UVRAG: variants seen among roughly 807,000 people sequenced by gnomAD.
The protein encoded by UVRAG is UV radiation resistance-associated gene protein.
UVRAG carries 19 observed loss-of-function variants against 78.0 expected under a neutral mutation model. The observed-to-expected ratio is 0.24, with a 90% CI of 0.17 to 0.36. The LOEUF (loss-of-function observed/expected upper bound fraction) is 0.36. Among genes scored for constraint, UVRAG ranks in the 10% least tolerant of loss-of-function variants. The pLI, the probability that UVRAG is intolerant of heterozygous loss-of-function variation, is 1.00. For missense variants in UVRAG, 740 were observed against 853.8 expected, an observed-to-expected ratio of 0.87 and a Z score of 1.66; for synonymous variants, 323 against 324.6, an observed-to-expected ratio of 1.00 and a Z score of 0.05.
rs115209535 is a variant in UVRAG, at chr11:76,029,865, G to A, written c.1226+12885G>A. On this transcript the variant is annotated intron_variant, in intron 12 of 14. Transcript: ENST00000356136. The stretch of plus-strand genomic sequence containing the variant: ...GTCAATTGATGCCAAAAACTTCATT[G>A]TCTTATTTTAAGAAATTGTCACAGC... Among the ~76,000 whole-genome samples, 1,092 of 152,252 alleles carry A rather than the reference G, an allele frequency of 7.2e-3. 13 individuals are homozygous for A. The highest frequency in any genetic ancestry group is 0.025 in the African/African-American group (1,037 of 41,564).
At chr11:75,815,560 C>T (rs761032333) in intron 1 of UVRAG, 36 bp downstream of exon 1, 3 of 1,184,860 alleles carry the variant, frequency 2.5e-6, no homozygotes, top group Non-Finnish European at 3.2e-6. Context: ...CGGGAGGGAC[C>T]CGGGCAGGCC....
intron 6 of UVRAG, among the ~76,000 whole-genome samples, chr11:75,930,314 C>CT (rs1182163247): frequency 6.6e-6 from 1 of 152,092 alleles, no homozygotes; most frequent in East Asian, 1.9e-4. Flanking sequence ...GTCTTTTATA[C>CT]TTTTTTTAAG....
rs150618974 is a variant in UVRAG at position 76,070,264 on chromosome 11, A to G, written c.1305+4476A>G. On this transcript the variant is annotated intron_variant, in intron 13 of 14. Transcript: ENST00000356136. Reference sequence around the variant, plus strand: ...TCTTAAATGTAAAAGTTGAATAACTAGAAACAGAGAGTAGGATAGTGATTC... The same window carrying G: ...TCTTAAATGTAAAAGTTGAATAACTGGAAACAGAGAGTAGGATAGTGATTC... Among the ~76,000 whole-genome samples the G allele has an allele frequency of 3.7e-3, 564 of 152,320 alleles. 1 individual carries two copies. The highest frequency in any genetic ancestry group is 0.01 in the Middle Eastern group (3 of 294).
chr11:75,949,461 C>G (rs1394944024), intron 6 of UVRAG, among the ~76,000 whole-genome samples: 2 of 151,950 alleles, frequency 1.3e-5, no homozygotes, highest in Admixed American at 1.3e-4. Context: ...TATCTCTGGC[C>G]AAGATCTGTC....
chr11:76,139,289 A>G (rs1325822200), intron 14 of UVRAG, among the ~76,000 whole-genome samples: 1 of 152,202 alleles, frequency 6.6e-6, no homozygotes, highest in Non-Finnish European at 1.5e-5. Flanking sequence ...ACACAAGTGG[A>G]AGAAACCCCA....
intron 13 of UVRAG, among the ~76,000 whole-genome samples, chr11:76,102,211 G>A (rs1163160977): frequency 6.6e-6 from 1 of 152,170 alleles, no homozygotes; most frequent in Non-Finnish European, 1.5e-5. Context: ...TTCAATTCAT[G>A]AGCATGGAAT....
intron 13 of UVRAG, among the ~76,000 whole-genome samples, chr11:76,091,383 A>G (rs1008410201): frequency 3.3e-5 from 5 of 152,214 alleles, no homozygotes; most frequent in African/African-American, 1.2e-4. Flanking sequence ...TCGGCACTCA[A>G]TGGATCTTTT....
intron 1 of UVRAG, among the ~76,000 whole-genome samples, chr11:75,829,314 A>G (rs1246614686): frequency 6.6e-6 from 1 of 152,218 alleles, no homozygotes; most frequent in African/African-American, 2.4e-5. Flanking sequence ...CTACTAAAAA[A>G]TTAGAAAGCT....
At chr11:75,832,431 A>G (rs560256559) in intron 1 of UVRAG, among the ~76,000 whole-genome samples, 4 of 152,314 alleles carry the variant, frequency 2.6e-5, no homozygotes, top group African/African-American at 9.6e-5. Flanking sequence ...AAAACATTTT[A>G]TGTATTATTA....
intron 9 of UVRAG, among the ~76,000 whole-genome samples, chr11:76,005,849 A>G (rs1020361688): frequency 3.3e-5 from 5 of 152,248 alleles, no homozygotes; most frequent in African/African-American, 1.2e-4. Flanking sequence ...AGGACATTAC[A>G]AAAGATACCG....
intron 1 of UVRAG, among the ~76,000 whole-genome samples, chr11:75,831,552 A>T (rs1296331924): frequency 6.6e-6 from 1 of 152,118 alleles, no homozygotes; most frequent in African/African-American, 2.4e-5. Flanking sequence ...TCACTAGGCC[A>T]TTTTAGTGTA....
At chr11:76,035,866 A>G (rs996487444) in intron 12 of UVRAG, among the ~76,000 whole-genome samples, 2 of 152,212 alleles carry the variant, frequency 1.3e-5, no homozygotes, top group Admixed American at 1.3e-4. Context: ...GCCTTGTTTC[A>G]TGCCTTTTAT....
chr11:76,114,509 T>C (rs957756117), intron 13 of UVRAG, among the ~76,000 whole-genome samples: 1 of 152,188 alleles, frequency 6.6e-6, no homozygotes, highest in East Asian at 1.9e-4. Context: ...CTTTCTGGGG[T>C]TCAGTTTTCC....
chr11:76,059,873 G>A (rs1951050284), intron 12 of UVRAG, among the ~76,000 whole-genome samples: 1 of 152,224 alleles, frequency 6.6e-6, no homozygotes, highest in African/African-American at 2.4e-5. Flanking sequence ...TTGAGTCCAT[G>A]TTGTCACATT....
At chr11:75,887,519 CT>C (rs1378856246) in intron 4 of UVRAG, among the ~76,000 whole-genome samples, 2 of 148,924 alleles carry the variant, frequency 1.3e-5, no homozygotes, top group African/African-American at 5.0e-5. Context: ...ACAATCTCGG[CT>C]CTCTGCAAGC....
At chr11:76,085,856 T>G (rs991051401) in intron 13 of UVRAG, among the ~76,000 whole-genome samples, 3 of 152,158 alleles carry the variant, frequency 2.0e-5, no homozygotes, top group African/African-American at 7.2e-5. Context: ...TCCTTTTCCA[T>G]GTGTGTTTTT....
intron 8 of UVRAG, among the ~76,000 whole-genome samples, chr11:75,989,298 G>A (rs540507055): frequency 6.6e-6 from 1 of 152,078 alleles, no homozygotes; most frequent in South Asian, 2.1e-4. Flanking sequence ...CAAGTGATCC[G>A]CCTACCTCCC....
intron 7 of UVRAG, among the ~76,000 whole-genome samples, chr11:75,976,846 GT>G (rs1040878893): frequency 6.6e-6 from 1 of 151,988 alleles, no homozygotes; most frequent in Non-Finnish European, 1.5e-5. Flanking sequence ...TTTTTTGAAG[GT>G]TTTTTTGTGT....
chr11:75,838,266 C>T (rs1352867667), intron 1 of UVRAG, among the ~76,000 whole-genome samples: 1 of 152,152 alleles, frequency 6.6e-6, no homozygotes, highest in African/African-American at 2.4e-5. Flanking sequence ...TAATAAGCAA[C>T]ACTCTATTAC....
Sources: allele counts gnomAD v4.1 joint callset (sites outside exome capture counted in the v4.1 genomes callset), GRCh38; gene constraint gnomAD v4.1.1; transcripts MANE v1.5; gene names NCBI Gene and HGNC (gene_info 2026-07-23, HGNC 2026-07-21).